Variants in ABLIM1 observed in about 807,000 individuals in gnomAD.
ABLIM1 encodes the protein actin binding LIM protein 1.
ABLIM1 carries 40 observed loss-of-function variants against 107.0 expected under a neutral mutation model. The ratio of observed to expected loss-of-function variants is 0.37; its 90% CI spans 0.29 to 0.49. The LOEUF (loss-of-function observed/expected upper bound fraction) is 0.49. Among genes scored for constraint, ABLIM1 ranks in the 20% least tolerant of loss-of-function variants. The pLI is 0.97. For synonymous variants in ABLIM1, 357 were observed against 357.3 expected, an observed-to-expected ratio of 1.00 and a Z score of 0.01; for missense variants, 857 against 1,008.5, an observed-to-expected ratio of 0.85 and a Z score of 2.04.
At chr10:114,567,267 A>G (rs1318142690) in intron 4 of ABLIM1, among the ~76,000 whole-genome samples, 1 of 152,210 alleles carries the variant, frequency 6.6e-6, no homozygotes, top group East Asian at 1.9e-4. Context: ...GGAACATGGC[A>G]TCGGGAGCCA....
At chr10:114,490,908 A>G (rs1457256584) in intron 7 of ABLIM1, among the ~76,000 whole-genome samples, 1 of 149,256 alleles carries the variant, frequency 6.7e-6, no homozygotes, top group African/African-American at 2.5e-5. Context: ...AGCTCAAGCT[A>G]TCCTCCCGCC....
chr10:114,664,697 C>T (rs571919300), intron 1 of ABLIM1, among the ~76,000 whole-genome samples: 1 of 151,670 alleles, frequency 6.6e-6, no homozygotes, highest in African/African-American at 2.4e-5. Flanking sequence ...GTGTATGCCA[C>T]CATGCTTGGC....
At chr10:114,791,570 G>A in the ABLIM1 span, among the ~76,000 whole-genome samples, 1 of 151,664 alleles carries the variant, frequency 6.6e-6, no homozygotes, top group African/African-American at 2.4e-5. Flanking sequence ...CCTGGGAGGG[G>A]GAGCTTGCAG....
chr10:114,571,020 C>T (rs2071593942), intron 4 of ABLIM1, among the ~76,000 whole-genome samples: 1 of 152,168 alleles, frequency 6.6e-6, no homozygotes, highest in Non-Finnish European at 1.5e-5. Context: ...TAGGCTGATG[C>T]TCGTCATCTC....
chr10:114,754,720 G>A (rs763980472), intron 1 of ABLIM1, among the ~76,000 whole-genome samples: 5 of 152,132 alleles, frequency 3.3e-5, no homozygotes, highest in East Asian at 1.9e-4. Context: ...TTCTGAACAC[G>A]GCACATAAAT....
intron 1 of ABLIM1, chr10:114,632,682 A>G: frequency 1.0e-6 from 1 of 985,414 alleles, no homozygotes. Context: ...CCAGGATCCA[A>G]TTCAGGATCA....
chr10:114,502,277 T>A (rs751496460), intron 6 of ABLIM1: 1 of 168,276 alleles, frequency 5.9e-6, no homozygotes, highest in Non-Finnish European at 1.3e-5. Flanking sequence ...TGAATTTCCT[T>A]GGGAGTTAGC....
At chr10:114,535,693 G>C (rs1020382194) in intron 6 of ABLIM1, among the ~76,000 whole-genome samples, 1 of 152,194 alleles carries the variant, frequency 6.6e-6, no homozygotes, top group African/African-American at 2.4e-5. Context: ...GTAGATGTGT[G>C]TATGTGAAAT....
At chr10:114,570,296 G>A (rs954336645) in intron 4 of ABLIM1, among the ~76,000 whole-genome samples, 2 of 152,162 alleles carry the variant, frequency 1.3e-5, no homozygotes, top group Non-Finnish European at 2.9e-5. Flanking sequence ...TTTTCCAGAA[G>A]AAATGGTGCA....
chr10:114,437,209 C>T (rs1216459439), intron 22 of ABLIM1, among the ~76,000 whole-genome samples: 4 of 152,098 alleles, frequency 2.6e-5, no homozygotes, highest in Admixed American at 2.0e-4. Flanking sequence ...AGAGAAATAG[C>T]GACTCCCATT....
chr10:114,648,742 T>C (rs1307603912), intron 1 of ABLIM1, among the ~76,000 whole-genome samples: 4 of 152,200 alleles, frequency 2.6e-5, no homozygotes, highest in Non-Finnish European at 5.9e-5. Flanking sequence ...CACTGCGTTA[T>C]AGTCTGAAGA....
chr10:114,665,953 T>C (rs566251063), intron 1 of ABLIM1, among the ~76,000 whole-genome samples: 2 of 152,362 alleles, frequency 1.3e-5, no homozygotes, highest in South Asian at 4.1e-4. Context: ...TTCACAGTTA[T>C]AGAAGGTTTT....
intron 1 of ABLIM1, among the ~76,000 whole-genome samples, chr10:114,669,985 G>A (rs913094822): frequency 1.3e-5 from 2 of 152,200 alleles, no homozygotes; most frequent in African/African-American, 2.4e-5. Context: ...TAGAAGGCTA[G>A]GAAAAGAGCT....
chr10:114,733,451 A>G (rs1396234951), intron 1 of ABLIM1, among the ~76,000 whole-genome samples: 1 of 152,212 alleles, frequency 6.6e-6, no homozygotes, highest in Non-Finnish European at 1.5e-5. Flanking sequence ...TTGAAGATTT[A>G]AAGTTTAGTC....
At chr10:114,466,455 T>TAAC (rs74360981) in intron 11 of ABLIM1, among the ~76,000 whole-genome samples, 73,887 of 151,666 alleles carry the variant, frequency 0.49, 17,939 homozygotes, top group East Asian at 0.55. Flanking sequence ...CAGATCTGCA[T>TAAC]AACAAGAAAA....
intron 14 of ABLIM1, chr10:114,450,002 AT>A: frequency 4.2e-6 from 1 of 240,066 alleles, no homozygotes; most frequent in Non-Finnish European, 9.0e-6. Flanking sequence ...ATCTCCTTAA[AT>A]TTTAATTATT....
chr10:114,535,529 T>C (rs2137113772), intron 6 of ABLIM1, among the ~76,000 whole-genome samples: 1 of 152,290 alleles, frequency 6.6e-6, no homozygotes, highest in East Asian at 1.9e-4. Context: ...CAGGCTTGTC[T>C]TGAACTCCTG....
intron 1 of ABLIM1, among the ~76,000 whole-genome samples, chr10:114,636,947 C>A (rs907276739): frequency 6.6e-6 from 1 of 150,412 alleles, no homozygotes; most frequent in African/African-American, 2.5e-5. Flanking sequence ...GCAGGAGAAT[C>A]GCTTGAACCC....
intron 1 of ABLIM1, among the ~76,000 whole-genome samples, chr10:114,712,999 T>A (rs980997311): frequency 6.6e-6 from 1 of 152,064 alleles, no homozygotes. Flanking sequence ...GCAGTAGCTA[T>A]GATCATACTA....
Sources: allele counts gnomAD v4.1 joint callset (sites outside exome capture counted in the v4.1 genomes callset), GRCh38; gene constraint gnomAD v4.1.1; transcripts MANE v1.5; gene names NCBI Gene and HGNC (gene_info 2026-07-23, HGNC 2026-07-21).